ENO4: variants seen among roughly 807,000 people sequenced by gnomAD.
The protein encoded by ENO4 is 2-phospho-D-glycerate hydro-lyase.
Under a neutral mutation model 63.2 loss-of-function variants are expected in ENO4, and 53 were observed. The ratio of observed to expected loss-of-function variants is 0.84; its 90% CI spans 0.67 to 1.05. The LOEUF (loss-of-function observed/expected upper bound fraction) is 1.05. Ranked by LOEUF, ENO4 falls within the 50% of genes least tolerant of loss-of-function variation. The pLI, the probability that ENO4 is intolerant of heterozygous loss-of-function variation, is 0.00. For missense variants in ENO4, 719 were observed against 772.0 expected (o/e 0.93, Z 0.81); for synonymous variants, 266 against 283.8 (o/e 0.94, Z 0.63).
intron 10 of ENO4, chr10:116,906,636 C>A (rs1456328802): frequency 1.2e-6 from 2 of 1,611,996 alleles, no homozygotes; most frequent in African/African-American, 2.7e-5. Context: ...CTACTGCTAT[C>A]TGCTTCTGCT....
In ENO4 at chr10:116,879,351, T is replaced by C; in HGVS notation, c.1598T>C (p.Val533Ala). The change falls in exon 12 of 14, where the codon GTC becomes GCC. Residue 533 changes from valine (V) to alanine (A), a missense_variant. Physicochemically the swap from Val to Ala is moderately conservative, Grantham distance 64 (BLOSUM62 0). Transcript: ENST00000341276. ...TEGESSDDSL[V>A]DLAVGLGVRF... ...GGAGAATCATCTGATGACAGCCTTG[T>C]CGATTTGGTAAGTGCTGAATGCTGG... 1 of 1,549,862 alleles carries C rather than the reference T, an allele frequency of 6.5e-7. No individual in the cohort carries two copies. The highest frequency in any genetic ancestry group is 1.2e-5 in the South Asian group (1 of 83,818).
At chr10:116,861,231 AAAAAAAT>A (rs1846403203) in intron 6 of ENO4, 41 bp downstream of exon 6, 2 of 525,826 alleles carry the variant, frequency 3.8e-6, no homozygotes, top group South Asian at 6.9e-5. Flanking sequence ...TAAAAAAAAA[AAAAAAAT>A]ATATATATAT....
intron 10 of ENO4, among the ~76,000 whole-genome samples, chr10:116,899,092 C>G (rs771679890): frequency 6.6e-6 from 1 of 152,004 alleles, no homozygotes; most frequent in Non-Finnish European, 1.5e-5. Context: ...TATTGAAAGC[C>G]TACCATAAGG....
chr10:116,875,499 C>T (rs1365651401), intron 10 of ENO4, among the ~76,000 whole-genome samples: 1 of 151,580 alleles, frequency 6.6e-6, no homozygotes, highest in East Asian at 1.9e-4. Context: ...GGCACACCAC[C>T]ACACCCAGCT....
chr10:116,910,654 G>C (rs1419831), intron 10 of ENO4, among the ~76,000 whole-genome samples: 2,521 of 152,284 alleles, frequency 0.017, 39 homozygotes, highest in Middle Eastern at 0.031. Flanking sequence ...CTGTGCCCCA[G>C]AGGACATCTT....
At position 116,881,705 on chromosome 10, in the gene ENO4, G is replaced by A; in HGVS notation, c.*36G>A. The A allele has an allele frequency of 1.4e-6, 2 of 1,405,504 alleles. No individual in the cohort carries two copies. The highest frequency in any genetic ancestry group is 3.4e-5 in the South Asian group (2 of 58,744). The allele number at this position is 1,405,504 out of a possible 1,614,324, so 87.1% of individuals were successfully genotyped here. A position where few individuals can be genotyped will look rare whatever the true frequency, so the allele number is the denominator to read the frequency against. On this transcript the variant is annotated 3_prime_UTR_variant, in exon 14 of 14. Coordinates refer to ENST00000341276, the MANE Select transcript of ENO4 (RefSeq NM_001242699.2). ...ACCCCAGGTTCCAGCCACACCATCAGTATTAGTAGACCGGGAGGTCTGAAG... is the reference window on the plus strand; with the variant it reads ...ACCCCAGGTTCCAGCCACACCATCAATATTAGTAGACCGGGAGGTCTGAAG...
chr10:116,884,094 C>G, downstream of ENO4: 1 of 401,272 alleles, frequency 2.5e-6, no homozygotes, highest in Admixed American at 2.7e-5. Context: ...GCATAAATAA[C>G]CTTTTAGAGA....
intron 10 of ENO4, among the ~76,000 whole-genome samples, chr10:116,909,864 G>A (rs921916331): frequency 2.0e-5 from 3 of 152,066 alleles, no homozygotes; most frequent in Non-Finnish European, 4.4e-5. Flanking sequence ...CAATAGAACC[G>A]AACACAGTGT....
At chr10:116,909,245 T>C (rs578088351) in intron 10 of ENO4, among the ~76,000 whole-genome samples, 3 of 152,190 alleles carry the variant, frequency 2.0e-5, no homozygotes, top group African/African-American at 4.8e-5. Context: ...TTCAAACCAC[T>C]GTGGTCATTT....
intron 12 of ENO4, 115 bp from the exon 13 acceptor site, chr10:116,879,754 T>TA: frequency 1.3e-6 from 1 of 795,502 alleles, no homozygotes; most frequent in Non-Finnish European, 2.0e-6. Flanking sequence ...AAAAAACTAG[T>TA]AAGAGAAAAT....
chr10:116,852,883 A>C (rs115018572), intron 1 of ENO4, among the ~76,000 whole-genome samples: 207 of 152,310 alleles, frequency 1.4e-3, no homozygotes, highest in African/African-American at 4.8e-3. Flanking sequence ...TTACATCTGC[A>C]TAAGGGACTC....
At chr10:116,863,507 C>T (rs1257300066) in intron 7 of ENO4, among the ~76,000 whole-genome samples, 1 of 152,176 alleles carries the variant, frequency 6.6e-6, no homozygotes. Context: ...TAACTAACTC[C>T]AGACTTGATT....
chr10:116,865,500 G>A (rs1374152184), intron 7 of ENO4, among the ~76,000 whole-genome samples: 1 of 152,110 alleles, frequency 6.6e-6, no homozygotes, highest in Non-Finnish European at 1.5e-5. Context: ...TTTATATACG[G>A]TAGACCTATT....
downstream of ENO4, chr10:116,885,175 A>T (rs1589771153): frequency 6.6e-6 from 1 of 152,658 alleles, no homozygotes; most frequent in Non-Finnish European, 1.5e-5. Flanking sequence ...TTTTGCCCTT[A>T]GGTGAAAAAC....
intron 3 of ENO4, among the ~76,000 whole-genome samples, chr10:116,857,900 G>A (rs1249173703): frequency 6.6e-6 from 1 of 152,140 alleles, no homozygotes; most frequent in African/African-American, 2.4e-5. Flanking sequence ...GCCTCCCAAA[G>A]TGCTGGGATT....
At chr10:116,886,316 CA>C, downstream of ENO4, 2 of 1,551,832 alleles carry the variant, frequency 1.3e-6, no homozygotes, top group Non-Finnish European at 1.7e-6. Context: ...AAAGGACTTC[CA>C]AACATGTCAG....
At chr10:116,903,158 A>G (rs1307276959) in intron 10 of ENO4, among the ~76,000 whole-genome samples, 1 of 152,178 alleles carries the variant, frequency 6.6e-6, no homozygotes, top group Non-Finnish European at 1.5e-5. Flanking sequence ...TTCACAAAGC[A>G]TTAGTTTCTA....
intron 1 of ENO4, among the ~76,000 whole-genome samples, chr10:116,854,812 G>A (rs1846207161): frequency 6.6e-6 from 1 of 150,558 alleles, no homozygotes; most frequent in African/African-American, 2.4e-5. Context: ...GTGGTGGCGT[G>A]TGCCTATGGT....
intron 10 of ENO4, among the ~76,000 whole-genome samples, chr10:116,890,834 C>T (rs563129833): frequency 2.4e-4 from 36 of 152,334 alleles, no homozygotes; most frequent in African/African-American, 7.9e-4. Flanking sequence ...GCCATGCCAA[C>T]GCTGAACTTT....
Sources: gnomAD v4.1 joint callset for allele counts (sites outside exome capture counted in the v4.1 genomes callset) on GRCh38, gnomAD v4.1.1 for gene constraint, MANE v1.5 for transcripts, NCBI Gene and HGNC (gene_info 2026-07-23, HGNC 2026-07-21) for gene names.